The following DPPA2 variants were observed in gnomAD, a reference collection of about 807,000 sequenced individuals.
DPPA2 encodes developmental pluripotency-associated protein 2.
Under a neutral mutation model 36.2 loss-of-function variants are expected in DPPA2, and 26 were observed. The ratio of observed to expected loss-of-function variants is 0.72; its 90% CI spans 0.53 to 1.00. The LOEUF (loss-of-function observed/expected upper bound fraction) is 1.00, where lower values mean the gene tolerates loss of function less well. Among genes scored for constraint, DPPA2 ranks in the 50% least tolerant of loss-of-function variants. The pLI, the probability that DPPA2 is intolerant of heterozygous loss-of-function variation, is 0.00. For synonymous variants in DPPA2, 113 were observed against 123.2 expected, an observed-to-expected ratio of 0.92 and a Z score of 0.55; for missense variants, 361 against 365.1, an observed-to-expected ratio of 0.99 and a Z score of 0.09.
chr3:109,298,741 T>TAAA (rs1553693082), intron 8 of DPPA2, among the ~76,000 whole-genome samples: 2 of 148,830 alleles, frequency 1.3e-5, no homozygotes, highest in South Asian at 2.1e-4. Flanking sequence ...ATAATAATAA[T>TAAA]AAAATAGCCA....
chr3:109,314,648 T>C, intron 1 of DPPA2, 93 bp from the exon 2 acceptor site: 1 of 1,251,802 alleles, frequency 8.0e-7, no homozygotes, highest in Non-Finnish European at 1.1e-6. Context: ...TCCTTCTACT[T>C]CCTGTTACCC....
chr3:109,312,483 A>G (rs1004643039), intron 3 of DPPA2, 62 bp downstream of exon 3: 184 of 1,543,870 alleles, frequency 1.2e-4, no homozygotes, highest in Middle Eastern at 9.6e-4. Flanking sequence ...GACAAATCTT[A>G]CTTTTTCCTG....
At position 109,308,173 on chromosome 3, in the gene DPPA2, T is replaced by C; in HGVS notation, c.517A>G (p.Asn173Asp). 4 of 1,614,206 alleles carry C rather than the reference T, an allele frequency of 2.5e-6. No homozygotes were observed. Among genetic ancestry groups the C allele is most frequent in the Admixed American group, 3.3e-5 (2 of 60,026 alleles). ...GCTGAAGTTATCACTTCAACTGTAT[T>C]GGTCTCTTCTGCTCTCTCATTCATC... ...YEMNERAEETNTVEVITSAPG... is the reference protein window; with the variant it reads ...YEMNERAEETDTVEVITSAPG... Residue 173 changes from asparagine (N) to aspartate (D), a missense_variant, in exon 6 of 9, where the codon AAT (asparagine) becomes GAT (aspartate). Coordinates refer to ENST00000478945, the MANE Select transcript of DPPA2 (RefSeq NM_138815.4).
chr3:109,296,723 T>C (rs2107299273), intron 8 of DPPA2, among the ~76,000 whole-genome samples: 1 of 151,536 alleles, frequency 6.6e-6, no homozygotes, highest in African/African-American at 2.4e-5. Flanking sequence ...GAGAAAATTA[T>C]CTGCAAAAGA....
intron 6 of DPPA2, among the ~76,000 whole-genome samples, chr3:109,307,603 CAAAAAAAA>C (rs769445059): frequency 2.3e-5 from 1 of 43,826 alleles, no homozygotes; most frequent in Non-Finnish European, 5.0e-5. Flanking sequence ...AACTCCATCT[CAAAAAAAA>C]AAAAAAAAAA....
chr3:109,303,518 T>C (rs1400450418), intron 7 of DPPA2, among the ~76,000 whole-genome samples: 1 of 151,914 alleles, frequency 6.6e-6, no homozygotes, highest in South Asian at 2.1e-4. Context: ...TACAGGCATG[T>C]GCCACCACGC....
chr3:109,298,874 C>T (rs1707406741), intron 8 of DPPA2, among the ~76,000 whole-genome samples: 1 of 151,450 alleles, frequency 6.6e-6, no homozygotes, highest in East Asian at 2.0e-4. Flanking sequence ...TGAAACCCGT[C>T]CTCTACCAAA....
chr3:109,314,431 A>G, intron 2 of DPPA2, 79 bp downstream of exon 2: 1 of 1,426,262 alleles, frequency 7.0e-7, no homozygotes, highest in Non-Finnish European at 9.5e-7. Context: ...ATTTGTGGTA[A>G]AAGAGAAACA....
chr3:109,309,694 C>CA (rs202069428), intron 3 of DPPA2, among the ~76,000 whole-genome samples: 9 of 148,732 alleles, frequency 6.1e-5, no homozygotes, highest in African/African-American at 2.0e-4. Context: ...CGTCTCGTCT[C>CA]AAAAAAAAAA....
At chr3:109,309,991 G>A (rs1707668429) in intron 3 of DPPA2, among the ~76,000 whole-genome samples, 1 of 151,912 alleles carries the variant, frequency 6.6e-6, no homozygotes, top group Admixed American at 6.6e-5. Context: ...CACTTTGGGA[G>A]GCCGAGGTGG....
Position 109,302,417 on chromosome 3 carries a change from T to A in DPPA2, c.855-1982A>T, listed in dbSNP as rs190296896. ...CTCTTTCTGAATTACTAATCTCTTA[T>A]TTATACTCCCATCTAAGATTTAGCC... On this transcript the variant is annotated intron_variant, in intron 7 of 8. Coordinates refer to ENST00000478945, the MANE Select transcript of DPPA2 (RefSeq NM_138815.4). Among the ~76,000 whole-genome samples the A allele has an allele frequency of 3.3e-3, 498 of 152,294 alleles. 6 individuals are homozygous for A. The highest frequency in any genetic ancestry group is 0.012 in the African/African-American group (482 of 41,592).
At chr3:109,297,691 A>C (rs1707378918) in intron 8 of DPPA2, among the ~76,000 whole-genome samples, 1 of 152,250 alleles carries the variant, frequency 6.6e-6, no homozygotes, top group South Asian at 2.1e-4. Flanking sequence ...GTTTGGCAGA[A>C]ATGAGCTATC....
intron 4 of DPPA2, 44 bp from the exon 5 acceptor site, chr3:109,309,123 C>T (rs752564717): frequency 6.2e-7 from 1 of 1,614,118 alleles, no homozygotes; most frequent in Non-Finnish European, 8.5e-7. Context: ...TTGACAAAGA[C>T]TCCCATAATT....
At chr3:109,294,540 C>A (rs1197538155) in intron 8 of DPPA2, among the ~76,000 whole-genome samples, 1 of 152,168 alleles carries the variant, frequency 6.6e-6, no homozygotes, top group Non-Finnish European at 1.5e-5. Context: ...GAATATACTG[C>A]AAGTCACAAG....
In DPPA2 at chr3:109,309,045, G is replaced by A. The variant is rs765141410; in HGVS notation, c.377C>T (p.Ala126Val). 1 of 1,614,196 alleles carries A rather than the reference G, an allele frequency of 6.2e-7. No homozygotes were observed. Among genetic ancestry groups the A allele is most frequent in the African/African-American group, 1.3e-5 (1 of 75,040 alleles). ...IEVYLRLHRHAYPEQRQDMPE... is the reference protein window; with the variant it reads ...IEVYLRLHRHVYPEQRQDMPE... ...ACTCACTTGCCGTTGTTCAGGGTAA[G>A]CATGCCTATGAAGCCTCAGATAAAC... is the stretch of plus-strand genomic sequence containing the variant. The change falls in exon 5 of 9, where the codon GCT becomes GTT. Residue 126 changes from alanine (A) to valine (V), a missense_variant. Physicochemically the swap from Ala to Val is moderately conservative, Grantham distance 64. Transcript: ENST00000478945.
In DPPA2 at chr3:109,308,042, C is replaced by T. The variant is rs1174975366; in HGVS notation, c.648G>A (p.Met216Ile). ...TAAGGTTGATCTTACCAGAGGCTTG[C>T]ATCAAAAAGGCCTCAACAGAAACAG... ...SIPVSVEAFL[M>I]QASGVRWCVV... Residue 216 changes from methionine (M) to isoleucine (I), a missense_variant, in exon 6 of 9, where the codon ATG (methionine) becomes ATA (isoleucine). Transcript: ENST00000478945. 2 of 1,613,974 alleles carry T rather than the reference C, an allele frequency of 1.2e-6. No homozygotes were observed. The highest frequency in any genetic ancestry group is 1.7e-6 in the Non-Finnish European group (2 of 1,179,874).
At chr3:109,294,628 C>A (rs1303112529) in intron 8 of DPPA2, among the ~76,000 whole-genome samples, 1 of 152,176 alleles carries the variant, frequency 6.6e-6, no homozygotes, top group Non-Finnish European at 1.5e-5. Context: ...CTTACTTGGA[C>A]CATAACATCT....
Position 109,300,518 on chromosome 3 carries a change from T to C in DPPA2, c.855-83A>G, listed in dbSNP as rs1707438804. ...TTACCAATCCCTTTAAAATGACCAA[T>C]AAAATAAAGCATGCACTTCTGGGCC... is the stretch of plus-strand genomic sequence containing the variant. On this transcript the variant is annotated intron_variant, in intron 7 of 8. Transcript: ENST00000478945. 9.5e-6 allele frequency: 13 copies of C among 1,372,782 alleles called. No homozygotes were observed. In the Admixed American group the frequency reaches 1.9e-4, roughly 20 times the overall value. The allele number at this position is 1,372,782 out of a possible 1,614,324, so 85.0% of individuals were successfully genotyped here.
Position 109,308,183 on chromosome 3 carries a change from T to C in DPPA2, c.507A>G (p.Ala169=). 1 of 1,614,236 alleles carries C rather than the reference T, an allele frequency of 6.2e-7. No homozygotes were observed. The highest frequency in any genetic ancestry group is 1.1e-5 in the South Asian group (1 of 91,086). The stretch of plus-strand genomic sequence containing the variant: ...TCACTTCAACTGTATTGGTCTCTTC[T>C]GCTCTCTCATTCATCTCATAACTTC... ...LQRSYEMNER[A]EETNTVEVIT... is the part of the protein sequence containing the mutation. Residue 169 remains alanine, a synonymous_variant, in exon 6 of 9, where the codon GCA becomes GCG. Transcript: ENST00000478945.
Sources: allele counts gnomAD v4.1 joint callset (sites outside exome capture counted in the v4.1 genomes callset), GRCh38; gene constraint gnomAD v4.1.1; transcripts MANE v1.5; gene names NCBI Gene and HGNC (gene_info 2026-07-23, HGNC 2026-07-21).